RASA1: variants seen among roughly 807,000 people sequenced by gnomAD.
The protein encoded by RASA1 is ras GTPase-activating protein 1.
In RASA1, 25 loss-of-function variants were observed where a neutral mutation model predicts 132.2. That is an observed-to-expected ratio of 0.19 (90% CI 0.14 to 0.26). RASA1 has a LOEUF of 0.26. RASA1 is among the 10% of genes least tolerant of loss of function. RASA1 has a pLI of 1.00. For synonymous variants in RASA1, 477 were observed against 449.9 expected, an observed-to-expected ratio of 1.06 and a Z score of -0.76; for missense variants, 964 against 1,299.2, an observed-to-expected ratio of 0.74 and a Z score of 3.97.
At chr5:87,275,588 C>T (rs11958864) in intron 1 of RASA1, among the ~76,000 whole-genome samples, 71,398 of 149,768 alleles carry the variant, frequency 0.48, 16,868 homozygotes, top group Middle Eastern at 0.56. Context: ...TTTTTTTTTT[C>T]CCCCCTGAGA....
chr5:87,365,660 T>TA (rs1561313262), intron 11 of RASA1, among the ~76,000 whole-genome samples: 1 of 152,068 alleles, frequency 6.6e-6, no homozygotes, highest in African/African-American at 2.4e-5. Context: ...TAAGGGCAAT[T>TA]TAGTGACTAA....
chr5:87,308,862 G>A (rs1755741646), intron 1 of RASA1, among the ~76,000 whole-genome samples: 1 of 152,166 alleles, frequency 6.6e-6, no homozygotes, highest in Admixed American at 6.5e-5. Flanking sequence ...GCTATACCAT[G>A]TGTAGTAGGC....
chr5:87,344,159 T>G (rs78224048), intron 6 of RASA1, among the ~76,000 whole-genome samples: 3,285 of 152,192 alleles, frequency 0.022, 116 homozygotes, highest in African/African-American at 0.073. Context: ...TTACTGGATA[T>G]TTAAAAATAA....
At chr5:87,380,645 T>C (rs752210232) in intron 20 of RASA1, 50 bp downstream of exon 20, 1 of 1,447,616 alleles carries the variant, frequency 6.9e-7, no homozygotes, top group Admixed American at 1.7e-5. Flanking sequence ...AGGTGGATAA[T>C]TGTGAAAAAT....
At chr5:87,308,261 G>GACC (rs1345573397) in intron 1 of RASA1, among the ~76,000 whole-genome samples, 2 of 151,726 alleles carry the variant, frequency 1.3e-5, no homozygotes, top group African/African-American at 4.8e-5. Context: ...CTTGCTTTGT[G>GACC]ACCACAATAT....
intron 8 of RASA1, among the ~76,000 whole-genome samples, chr5:87,351,436 G>A (rs1337784444): frequency 6.6e-6 from 1 of 151,644 alleles, no homozygotes. Context: ...GGAAGACAAT[G>A]GATTTTGGCT....
chr5:87,283,555 GTAA>G (rs1157908799), intron 1 of RASA1, among the ~76,000 whole-genome samples: 2 of 151,860 alleles, frequency 1.3e-5, no homozygotes, highest in Non-Finnish European at 2.9e-5. Flanking sequence ...ACTACCAAAG[GTAA>G]TAATCACTGT....
intron 1 of RASA1, among the ~76,000 whole-genome samples, chr5:87,305,411 A>G (rs906348424): frequency 2.0e-5 from 3 of 152,196 alleles, no homozygotes; most frequent in Non-Finnish European, 4.4e-5. Context: ...GGACTATTAA[A>G]TGGTGCTGGG....
At chr5:87,367,281 G>C (rs952359696) in intron 11 of RASA1, among the ~76,000 whole-genome samples, 1 of 152,056 alleles carries the variant, frequency 6.6e-6, no homozygotes, top group Non-Finnish European at 1.5e-5. Flanking sequence ...AATACCAGAG[G>C]ACAAAAGGGG....
intron 1 of RASA1, among the ~76,000 whole-genome samples, chr5:87,312,912 T>G (rs1300945210): frequency 6.6e-6 from 1 of 152,242 alleles, no homozygotes; most frequent in Non-Finnish European, 1.5e-5. Context: ...AATACTTGGT[T>G]CAGGTGTTTA....
chr5:87,318,035 T>TTTC (rs1192506057), intron 1 of RASA1, among the ~76,000 whole-genome samples: 5 of 152,152 alleles, frequency 3.3e-5, no homozygotes, highest in African/African-American at 1.2e-4. Context: ...ATGAAACAGT[T>TTTC]TTCTAAAGGA....
chr5:87,284,278 C>T (rs1754447293), intron 1 of RASA1, among the ~76,000 whole-genome samples: 1 of 152,104 alleles, frequency 6.6e-6, no homozygotes, highest in South Asian at 2.1e-4. Context: ...TGAACAGCCA[C>T]GGTATAGGAA....
At chr5:87,278,261 G>A (rs998527958) in intron 1 of RASA1, among the ~76,000 whole-genome samples, 2 of 151,912 alleles carry the variant, frequency 1.3e-5, no homozygotes, top group Admixed American at 6.6e-5. Flanking sequence ...AAATAAGACA[G>A]ATGGGCCGGG....
At chr5:87,353,285 C>CTA in intron 9 of RASA1, 50 bp downstream of exon 9, 2 of 1,421,216 alleles carry the variant, frequency 1.4e-6, no homozygotes, top group Non-Finnish European at 2.0e-6. Flanking sequence ...TTTTAAAATG[C>CTA]ATTTTGGTGG....
intron 11 of RASA1, among the ~76,000 whole-genome samples, chr5:87,367,334 T>C (rs1292180241): frequency 3.9e-5 from 6 of 152,222 alleles, no homozygotes; most frequent in African/African-American, 1.4e-4. Flanking sequence ...TATTATCAAA[T>C]TAATGCCAGG....
At chr5:87,290,749 C>T (rs56343304) in intron 1 of RASA1, among the ~76,000 whole-genome samples, 16,796 of 152,148 alleles carry the variant, frequency 0.11, 1,239 homozygotes, top group Non-Finnish European at 0.17. Flanking sequence ...CAGTATGTAG[C>T]CTTTTCACAT....
chr5:87,294,558 C>T (rs1755039778), intron 1 of RASA1: 1 of 152,106 alleles, frequency 6.6e-6, no homozygotes, highest in Admixed American at 6.5e-5. Context: ...TTTGCTGCAT[C>T]CCAGAAGTGT....
intron 9 of RASA1, among the ~76,000 whole-genome samples, chr5:87,354,307 G>A (rs150013511): frequency 4.6e-5 from 7 of 152,178 alleles, no homozygotes; most frequent in African/African-American, 1.4e-4. Flanking sequence ...CAAGAAGGAC[G>A]TCTATTGCGA....
At chr5:87,300,294 G>A (rs1032401172) in intron 1 of RASA1, among the ~76,000 whole-genome samples, 5 of 152,048 alleles carry the variant, frequency 3.3e-5, no homozygotes, top group South Asian at 2.1e-4. Context: ...GGAAGTTCAC[G>A]TGAGCCCAAG....
Sources: gnomAD v4.1 joint callset for allele counts (sites outside exome capture counted in the v4.1 genomes callset) on GRCh38, gnomAD v4.1.1 for gene constraint, MANE v1.5 for transcripts, NCBI Gene and HGNC (gene_info 2026-07-23, HGNC 2026-07-21) for gene names.